Variants in PHTF2 observed in about 807,000 individuals in gnomAD.
PHTF2 encodes the protein putative homeodomain transcription factor 2, also known as protein PHTF2.
In PHTF2, 60 loss-of-function variants were observed where a neutral mutation model predicts 101.2. The observed-to-expected ratio is 0.59, with a 90% CI of 0.48 to 0.73. The LOEUF (loss-of-function observed/expected upper bound fraction) is 0.73, where lower values mean the gene tolerates loss of function less well. Ranked by LOEUF, PHTF2 falls within the 30% of genes least tolerant of loss-of-function variation. PHTF2 has a pLI of 0.00. For missense variants in PHTF2, 747 were observed against 908.7 expected (o/e 0.82, Z 2.29); for synonymous variants, 311 against 307.3 (o/e 1.01, Z -0.13).
intron 17 of PHTF2, among the ~76,000 whole-genome samples, chr7:77,951,133 G>T (rs1236164933): frequency 6.6e-6 from 1 of 152,106 alleles, no homozygotes; most frequent in Non-Finnish European, 1.5e-5. Flanking sequence ...AAATATTTTT[G>T]AGTGACTTTC....
rs1805215045 is a variant in PHTF2, at chr7:77,937,138, A to G, written c.1339-572A>G. Among the ~76,000 whole-genome samples the G allele has an allele frequency of 2.0e-5, 3 of 152,350 alleles. No homozygotes were observed. In the South Asian group the frequency reaches 6.2e-4, roughly 32 times the overall value. Reference sequence around the variant, plus strand: ...GAAATGCTGGATTAAAATATCAGAAAAGTAACTAAATCAGATATTAAACGT... The same window carrying G: ...GAAATGCTGGATTAAAATATCAGAAGAGTAACTAAATCAGATATTAAACGT... On this transcript the variant is annotated intron_variant, in intron 12 of 19. Transcript: ENST00000416283.
intron 9 of PHTF2, among the ~76,000 whole-genome samples, chr7:77,916,733 C>G (rs1022341004): frequency 6.6e-6 from 1 of 152,106 alleles, no homozygotes; most frequent in Admixed American, 6.6e-5. Context: ...CATGCATATC[C>G]TCTCATTTAC....
At position 77,926,331 on chromosome 7, in the gene PHTF2, G is replaced by A. The variant is rs73375886; in HGVS notation, c.1120-2778G>A. Among the ~76,000 whole-genome samples the A allele has an allele frequency of 7.8e-3, 1,180 of 152,246 alleles. 21 individuals carry two copies. Among genetic ancestry groups the A allele is most frequent in the African/African-American group, 0.027 (1,142 of 41,530 alleles). On this transcript the variant is annotated intron_variant, in intron 11 of 19. Coordinates refer to ENST00000416283, the Ensembl canonical transcript of PHTF2. ...AGAGAACCTGAAATATTTTTGGAGT[G>A]CTGTTCATAAAACAGAGCAGAGTGA...
chr7:77,944,128 A>C (rs184566281), intron 16 of PHTF2, among the ~76,000 whole-genome samples: 5 of 152,376 alleles, frequency 3.3e-5, no homozygotes, highest in African/African-American at 1.2e-4. Flanking sequence ...GACAAAACTG[A>C]AAACCAGAGC....
At chr7:77,947,454 T>C (rs1439445508) in intron 16 of PHTF2, among the ~76,000 whole-genome samples, 2 of 151,648 alleles carry the variant, frequency 1.3e-5, no homozygotes, top group East Asian at 3.9e-4. Context: ...TCCCAGCTAC[T>C]TGGGAGGCTG....
At chr7:77,817,876 A>T (rs12533926) in intron 1 of PHTF2, among the ~76,000 whole-genome samples, 1 of 151,850 alleles carries the variant, frequency 6.6e-6, no homozygotes, top group Admixed American at 6.6e-5. Context: ...TTGGGAGGCC[A>T]AGGTGGGTGG....
At chr7:77,847,813 CTAACTGT>C (rs1584477031) in intron 2 of PHTF2, among the ~76,000 whole-genome samples, 1 of 152,132 alleles carries the variant, frequency 6.6e-6, no homozygotes, top group Non-Finnish European at 1.5e-5. Flanking sequence ...TTCATTCTAT[CTAACTGT>C]GGTTTTGCAC....
At chr7:77,909,961 T>C (rs1483431308) in intron 8 of PHTF2, 1 of 221,410 alleles carries the variant, frequency 4.5e-6, no homozygotes, top group Admixed American at 5.5e-5. Flanking sequence ...GGCATTCAAA[T>C]AGGGAAGAAA....
exon 4 of PHTF2, chr7:77,893,650 C>A: frequency 1.4e-6 from 2 of 1,395,356 alleles, no homozygotes; most frequent in Non-Finnish European, 2.0e-6. Flanking sequence ...ATCTGTTGAA[C>A]AGAGAGAAAT....
chr7:77,894,339 A>G (rs1800703554), intron 5 of PHTF2, among the ~76,000 whole-genome samples: 1 of 152,176 alleles, frequency 6.6e-6, no homozygotes, highest in South Asian at 2.1e-4. Flanking sequence ...GATACTAATC[A>G]GTGTGTTTTT....
intron 3 of PHTF2, among the ~76,000 whole-genome samples, chr7:77,859,216 A>G (rs150045438): frequency 6.6e-6 from 1 of 152,340 alleles, no homozygotes; most frequent in Non-Finnish European, 1.5e-5. Context: ...TTAACTAATT[A>G]CATCTGCAAA....
At chr7:77,934,794 A>C (rs1050606235) in intron 12 of PHTF2, among the ~76,000 whole-genome samples, 1 of 152,006 alleles carries the variant, frequency 6.6e-6, no homozygotes, top group Non-Finnish European at 1.5e-5. Flanking sequence ...TAAAAATACA[A>C]AAATTAGTCG....
At chr7:77,869,198 T>C (rs1332604007) in intron 3 of PHTF2, among the ~76,000 whole-genome samples, 1 of 152,214 alleles carries the variant, frequency 6.6e-6, no homozygotes, top group Non-Finnish European at 1.5e-5. Context: ...TGTAATATTT[T>C]GATACATACA....
chr7:77,882,631 G>A (rs974886624), intron 3 of PHTF2, among the ~76,000 whole-genome samples: 2 of 152,074 alleles, frequency 1.3e-5, no homozygotes, highest in Admixed American at 6.5e-5. Context: ...CACTAGAATT[G>A]TAGGGCAGTA....
At chr7:77,949,422 A>C (rs946021266) in intron 16 of PHTF2, among the ~76,000 whole-genome samples, 1 of 152,176 alleles carries the variant, frequency 6.6e-6, no homozygotes, top group African/African-American at 2.4e-5. Context: ...AGTGATTTCA[A>C]CTGAATCTGT....
chr7:77,933,280 T>C (rs1486025216), intron 12 of PHTF2, among the ~76,000 whole-genome samples: 4 of 152,114 alleles, frequency 2.6e-5, no homozygotes, highest in African/African-American at 9.7e-5. Context: ...ATAGTTGCTC[T>C]TCAAGGGACA....
chr7:77,864,945 C>T (rs1455724651), intron 3 of PHTF2, among the ~76,000 whole-genome samples: 1 of 151,940 alleles, frequency 6.6e-6, no homozygotes, highest in Non-Finnish European at 1.5e-5. Flanking sequence ...AGTTATTGTC[C>T]ATAATAATGT....
intron 9 of PHTF2, among the ~76,000 whole-genome samples, chr7:77,915,026 C>T (rs1802776245): frequency 6.6e-6 from 1 of 151,234 alleles, no homozygotes; most frequent in African/African-American, 2.4e-5. Flanking sequence ...ATTCTTCTCC[C>T]TCAGCCTCCC....
intron 5 of PHTF2, among the ~76,000 whole-genome samples, chr7:77,897,084 T>C (rs1377489042): frequency 6.6e-6 from 1 of 152,074 alleles, no homozygotes; most frequent in Non-Finnish European, 1.5e-5. Flanking sequence ...TTTTCCTGTT[T>C]TACTGTCTCC....
Sources: allele counts gnomAD v4.1 joint callset (sites outside exome capture counted in the v4.1 genomes callset), GRCh38; gene constraint gnomAD v4.1.1; transcripts MANE v1.5; gene names NCBI Gene and HGNC (gene_info 2026-07-23, HGNC 2026-07-21).